Variants in ZSWIM5 observed in about 807,000 individuals in gnomAD.
The protein encoded by ZSWIM5 is zinc finger SWIM domain-containing protein 5.
In ZSWIM5, 55 loss-of-function variants were observed where a neutral mutation model predicts 119.6. That is an observed-to-expected ratio of 0.46 (90% CI 0.37 to 0.58). The LOEUF is 0.58. Ranked by LOEUF, ZSWIM5 falls within the 20% of genes least tolerant of loss-of-function variation. ZSWIM5 has a pLI of 0.00. For missense variants in ZSWIM5, 1,193 were observed against 1,512.8 expected, an observed-to-expected ratio of 0.79 and a Z score of 3.51; for synonymous variants, 537 against 606.9, an observed-to-expected ratio of 0.88 and a Z score of 1.69.
chr1:45,143,453 T>G (rs1444372690), intron 1 of ZSWIM5, among the ~76,000 whole-genome samples: 1 of 152,146 alleles, frequency 6.6e-6, no homozygotes, highest in Non-Finnish European at 1.5e-5. Context: ...CAACAACTGT[T>G]CATGACTAAA....
intron 2 of ZSWIM5, among the ~76,000 whole-genome samples, chr1:45,075,532 C>T (rs902517478): frequency 6.6e-6 from 1 of 152,108 alleles, no homozygotes; most frequent in Admixed American, 6.5e-5. Flanking sequence ...TACTCCTGCT[C>T]CTTTTTGTTT....
At chr1:45,196,034 G>GTTTTTTGTTT (rs1646120276) in intron 1 of ZSWIM5, among the ~76,000 whole-genome samples, 1 of 103,910 alleles carries the variant, frequency 9.6e-6, no homozygotes, top group Non-Finnish European at 2.0e-5. Flanking sequence ...CACCCAGCTA[G>GTTTTTTGTTT]TTTTTTTTTT....
intron 2 of ZSWIM5, among the ~76,000 whole-genome samples, chr1:45,074,151 T>C (rs992604733): frequency 6.6e-6 from 1 of 151,984 alleles, no homozygotes; most frequent in Non-Finnish European, 1.5e-5. Flanking sequence ...TTGTTGAGGA[T>C]TTTTTGCATG....
At position 45,181,420 on chromosome 1, in the gene ZSWIM5, A is replaced by C. The variant is rs559025751; in HGVS notation, c.595+24336T>G. Reference sequence around the variant, plus strand: ...AAAGAAACAAACAAAGCCTCCAAGAAATATGGGACTATGTGAAAAGACCAA... The same window carrying C: ...AAAGAAACAAACAAAGCCTCCAAGACATATGGGACTATGTGAAAAGACCAA... On this transcript the variant is annotated intron_variant, in intron 1 of 13. Transcript: ENST00000359600. 2.2e-3 allele frequency among the ~76,000 whole-genome samples: 339 copies of C among 152,246 alleles called. 1 individual carries two copies. The highest frequency in any genetic ancestry group is 7.9e-3 in the African/African-American group (329 of 41,568).
intron 2 of ZSWIM5, among the ~76,000 whole-genome samples, chr1:45,073,337 C>A (rs959010809): frequency 7.0e-6 from 1 of 143,342 alleles, no homozygotes; most frequent in Non-Finnish European, 1.5e-5. Context: ...TAGCTCACTG[C>A]AACCTCTGCC....
In ZSWIM5 at chr1:45,031,787, C is replaced by T. The variant is rs573317703; in HGVS notation, c.2449+2525G>A. ...CCTAGGGGGTGGAGCTTGCAGTGAG[C>T]GGAGATCACGCCACTGCATTCCAAC... On this transcript the variant is annotated intron_variant, in intron 11 of 13. Transcript: ENST00000359600. Among the ~76,000 whole-genome samples the T allele has an allele frequency of 4.3e-5, 6 of 140,282 alleles. No individual in the cohort carries two copies. In the East Asian group the frequency reaches 8.2e-4, roughly 19 times the overall value. The allele number at this position is 140,282 out of a possible 152,430, so 92.0% of individuals were successfully genotyped here. A position where few individuals can be genotyped will look rare whatever the true frequency, so the allele number is the denominator to read the frequency against.
Position 45,088,065 on chromosome 1 carries a change from G to A in ZSWIM5, c.768C>T (p.Ile256=). The change falls in exon 2 of 14, where the codon ATC becomes ATT. Residue 256 remains isoleucine, a synonymous_variant. Transcript: ENST00000359600. The surrounding 1 kb of genome is among the most constrained non-coding windows in gnomAD (Gnocchi z 4.2). ...AHVVALSLYR[I]RKPDQVKLRL... is the part of the protein sequence containing the mutation. ...GCAATTTGACTTGGTCTGGTTTACG[G>A]ATCCTGTAGAGTGAGAGTGCTACCA... is the stretch of plus-strand genomic sequence containing the variant. The A allele has an allele frequency of 6.2e-7, 1 of 1,614,204 alleles. No homozygotes were observed. The highest frequency in any genetic ancestry group is 8.5e-7 in the Non-Finnish European group (1 of 1,180,030).
chr1:45,131,335 AC>A (rs1557775234), intron 1 of ZSWIM5, among the ~76,000 whole-genome samples: 1 of 152,200 alleles, frequency 6.6e-6, no homozygotes, highest in African/African-American at 2.4e-5. Context: ...TTAATAAAAA[AC>A]ATATAATGCT....
At chr1:45,063,616 C>T (rs568733469) in intron 2 of ZSWIM5, among the ~76,000 whole-genome samples, 31 of 152,278 alleles carry the variant, frequency 2.0e-4, no homozygotes, top group African/African-American at 7.0e-4. Flanking sequence ...CTCCTCCTTC[C>T]TCTAACCTGT....
At chr1:45,196,427 G>T (rs1215316767) in intron 1 of ZSWIM5, among the ~76,000 whole-genome samples, 1 of 104,164 alleles carries the variant, frequency 9.6e-6, no homozygotes, top group Non-Finnish European at 1.8e-5. Context: ...GTCTTGCTCT[G>T]TTGCTCAGGC....
intron 1 of ZSWIM5, among the ~76,000 whole-genome samples, chr1:45,185,599 A>G (rs1375353432): frequency 6.6e-6 from 1 of 152,204 alleles, no homozygotes; most frequent in Non-Finnish European, 1.5e-5. Context: ...AAGGATATGA[A>G]CAGACACTTC....
At chr1:45,164,836 G>A (rs906673334) in intron 1 of ZSWIM5, among the ~76,000 whole-genome samples, 6 of 152,070 alleles carry the variant, frequency 3.9e-5, no homozygotes, top group East Asian at 3.9e-4. Flanking sequence ...AGAGACCTAC[G>A]AAGAGACTTA....
At chr1:45,164,249 C>G (rs948980018) in intron 1 of ZSWIM5, among the ~76,000 whole-genome samples, 9 of 152,090 alleles carry the variant, frequency 5.9e-5, no homozygotes, top group African/African-American at 1.7e-4. Flanking sequence ...GAAATAAAAT[C>G]CTTTACAGAC....
At chr1:45,030,378 C>G (rs1644945663) in intron 11 of ZSWIM5, among the ~76,000 whole-genome samples, 2 of 152,140 alleles carry the variant, frequency 1.3e-5, no homozygotes, top group Non-Finnish European at 1.5e-5. Flanking sequence ...TCCTGAGTAG[C>G]TGGGATTACA....
intron 4 of ZSWIM5, among the ~76,000 whole-genome samples, chr1:45,055,177 A>G (rs891484356): frequency 1.5e-4 from 23 of 152,112 alleles, no homozygotes; most frequent in African/African-American, 5.3e-4. Context: ...TTTTTAGTAG[A>G]GATGGGGTTT....
At chr1:45,132,301 C>T (rs1645662138) in intron 1 of ZSWIM5, among the ~76,000 whole-genome samples, 1 of 152,090 alleles carries the variant, frequency 6.6e-6, no homozygotes, top group South Asian at 2.1e-4. Context: ...TTCCCTGGCT[C>T]TCAATTTTCT....
At chr1:45,113,163 T>C (rs1196615817) in intron 1 of ZSWIM5, among the ~76,000 whole-genome samples, 1 of 152,184 alleles carries the variant, frequency 6.6e-6, no homozygotes, top group Admixed American at 6.5e-5. Context: ...AAAATATTGC[T>C]ATGATTAGTA....
At chr1:45,114,979 C>T (rs1645541957) in intron 1 of ZSWIM5, among the ~76,000 whole-genome samples, 1 of 152,228 alleles carries the variant, frequency 6.6e-6, no homozygotes, top group African/African-American at 2.4e-5. Flanking sequence ...CATAGATCAA[C>T]AGCATCCCAA....
chr1:45,038,824 G>T, intron 8 of ZSWIM5, 112 bp downstream of exon 8: 1 of 1,338,212 alleles, frequency 7.5e-7, no homozygotes, highest in Non-Finnish European at 1.0e-6. Context: ...TTGAACTCTT[G>T]AACTCAAGTA....
Sources: gnomAD v4.1 joint callset for allele counts (sites outside exome capture counted in the v4.1 genomes callset) on GRCh38, gnomAD v4.1.1 for gene constraint, Gnocchi (gnomAD v3.1) non-coding constraint, MANE v1.5 for transcripts, NCBI Gene and HGNC (gene_info 2026-07-23, HGNC 2026-07-21) for gene names.